ISY1: variants seen among roughly 807,000 people sequenced by gnomAD.
ISY1 encodes the protein ISY1 spliceosome associated protein.
ISY1 carries 12 observed loss-of-function variants against 54.4 expected under a neutral mutation model. The observed-to-expected ratio is 0.22, with a 90% CI of 0.14 to 0.36. The LOEUF (loss-of-function observed/expected upper bound fraction) is 0.36. Among genes scored for constraint, ISY1 ranks in the 10% least tolerant of loss-of-function variants. The probability of loss-of-function intolerance (pLI) is 1.00; values close to 1 mark genes in which losing one functional copy is unlikely to be tolerated. For missense variants in ISY1, 282 were observed against 342.2 expected (o/e 0.82, Z 1.39); for synonymous variants, 96 against 117.9 (o/e 0.81, Z 1.20).
In ISY1 at chr3:129,130,817, A is replaced by G; in HGVS notation, c.664-181T>C. 7.1e-6 allele frequency: 4 copies of G among 565,484 alleles called. 1 individual carries two copies. Among genetic ancestry groups the G allele is most frequent in the South Asian group, 5.4e-5 (2 of 37,050 alleles). 35.0% of individuals were successfully genotyped at this position (565,484 alleles called of 1,614,324 possible). A position where few individuals can be genotyped will look rare whatever the true frequency, so the allele number is the denominator to read the frequency against. On this transcript the variant is annotated intron_variant, in intron 9 of 10. Coordinates refer to ENST00000393295, the MANE Select transcript of ISY1 (RefSeq NM_020701.4). ...AAAAAAGCCATAGAACACGCTGTAT[A>G]TTATGCTACCTTTTGTCTAAGGAGG...
rs372239632 is a variant in ISY1 at position 129,130,671 on chromosome 3, C to T, written c.664-35G>A. 16 of 1,610,754 alleles carry T rather than the reference C, an allele frequency of 9.9e-6. No individual in the cohort carries two copies. In the African/African-American group the frequency reaches 1.6e-4, roughly 16 times the overall value. On this transcript the variant is annotated intron_variant, in intron 9 of 10. Transcript: ENST00000393295. Reference sequence around the variant, plus strand: ...GAACAAACGAAAGTCCATCAGTAGGCGCCCAGCTAGATAAATGCTGGCAAC... The same window carrying T: ...GAACAAACGAAAGTCCATCAGTAGGTGCCCAGCTAGATAAATGCTGGCAAC...
At chr3:129,158,157 CT>C (rs1298936856) in intron 3 of ISY1, among the ~76,000 whole-genome samples, 329 of 141,146 alleles carry the variant, frequency 2.3e-3, no homozygotes, top group African/African-American at 3.8e-3. Flanking sequence ...CTGCACCCTA[CT>C]TTTTTTTTTT....
intron 8 of ISY1, 70 bp from the exon 9 acceptor site, chr3:129,134,265 G>T: frequency 6.2e-7 from 1 of 1,604,374 alleles, no homozygotes. Flanking sequence ...GCAGGGAAAG[G>T]CCAACACTAT....
At chr3:129,156,726 C>A in intron 4 of ISY1, 51 bp from the exon 5 acceptor site, 1 of 1,557,772 alleles carries the variant, frequency 6.4e-7, no homozygotes, top group Non-Finnish European at 8.7e-7. Context: ...TGTTAGAAAG[C>A]ACAGAAAAAC....
rs1936177641 is a variant in ISY1, at chr3:129,129,392, T to TC, written c.*688_*689insG. 2 of 142,142 alleles carry TC rather than the reference T, an allele frequency of 1.4e-5. No individual in the cohort carries two copies. The highest frequency in any genetic ancestry group is 5.2e-5 in the African/African-American group (2 of 38,320). 8.8% of individuals were successfully genotyped at this position (142,142 alleles called of 1,614,324 possible). ...GTGCATCTTTTTTTTTTTTTTTTTT[T>TC]GGGACAGAGTCTCACTCTGTCGCCA... On this transcript the variant is annotated 3_prime_UTR_variant, in exon 11 of 11. Transcript: ENST00000393295.
At chr3:129,150,215 G>A (rs1449188204) in intron 5 of ISY1, among the ~76,000 whole-genome samples, 1 of 152,074 alleles carries the variant, frequency 6.6e-6, no homozygotes, top group Non-Finnish European at 1.5e-5. Context: ...TTCAGACATA[G>A]AATGTCAATG....
Position 129,130,019 on chromosome 3 carries a change from GC to G in ISY1, c.*61del. The stretch of plus-strand genomic sequence containing the variant: ...CTTGCAGCACCAGCCTGTGTCTGCA[GC>G]CCTGGGTCCTGAGGTACCACTGGGG... On this transcript the variant is annotated 3_prime_UTR_variant, in exon 11 of 11. Coordinates refer to ENST00000393295, the MANE Select transcript of ISY1 (RefSeq NM_020701.4). 1 of 1,329,942 alleles carries G rather than the reference GC, an allele frequency of 7.5e-7. No individual in the cohort carries two copies. Among genetic ancestry groups the G allele is most frequent in the Non-Finnish European group, 1.0e-6 (1 of 971,018 alleles). The allele number at this position is 1,329,942 out of a possible 1,614,324, so 82.4% of individuals were successfully genotyped here.
rs562545204 is a variant in ISY1 at position 129,155,472 on chromosome 3, G to A, written c.187+1161C>T. 5.9e-5 allele frequency among the ~76,000 whole-genome samples: 9 copies of A among 152,118 alleles called. No individual in the cohort carries two copies. The East Asian group carries it at 1.6e-3, about 26-fold the overall frequency. ...GCCTCCCAAAGTGCTGGGATTACAG[G>A]TGTGAGCCACCGCACCAGGCCAGTG... On this transcript the variant is annotated intron_variant, in intron 5 of 10. Transcript: ENST00000393295.
intron 1 of ISY1, 55 bp downstream of exon 1, chr3:129,160,918 G>GGCCCGGGGGGGGGGGGGGGC: frequency 1.5e-6 from 1 of 666,128 alleles, no homozygotes; most frequent in Non-Finnish European, 2.7e-6. Flanking sequence ...TGGACTGGGC[G>GGCCCGGGGGGGGGGGGGGGC]CCCCCCCGCC....
Position 129,134,976 on chromosome 3 carries a change from C to G in ISY1, c.419-22G>C, listed in dbSNP as rs757846037. 6.9e-6 allele frequency: 11 copies of G among 1,591,642 alleles called. No homozygotes were observed. The Admixed American group carries it at 1.9e-4, about 27-fold the overall frequency. The stretch of plus-strand genomic sequence containing the variant: ...AGAGCTATAAGAAACAGAAATGGAG[C>G]TGAGTTTCCAAGTCATAATCACACT... On this transcript the variant is annotated intron_variant, in intron 7 of 10. Transcript: ENST00000393295.
chr3:129,145,587 C>G (rs753782290), intron 6 of ISY1, among the ~76,000 whole-genome samples, 174 bp downstream of exon 6: 1 of 152,180 alleles, frequency 6.6e-6, no homozygotes, highest in South Asian at 2.1e-4. Context: ...CTGGCTGGTA[C>G]ATACAGATGC....
chr3:129,145,701 G>A, intron 6 of ISY1, 60 bp downstream of exon 6: 1 of 1,535,870 alleles, frequency 6.5e-7, no homozygotes, highest in Non-Finnish European at 9.0e-7. Context: ...AGAATGAGCT[G>A]GGAACTGCTG....
At chr3:129,156,530 A>G in intron 5 of ISY1, 103 bp downstream of exon 5, 1 of 1,211,994 alleles carries the variant, frequency 8.3e-7, no homozygotes, top group Non-Finnish European at 1.2e-6. Context: ...TTACTGATTT[A>G]CTATCTACTT....
chr3:129,154,934 C>T (rs4269098), intron 5 of ISY1, among the ~76,000 whole-genome samples: 5,225 of 151,814 alleles, frequency 0.034, 203 homozygotes, highest in East Asian at 0.11. Context: ...GTCATCCGCC[C>T]GCCTCGGCCT....
At chr3:129,152,106 CT>C (rs1936988821) in intron 5 of ISY1, among the ~76,000 whole-genome samples, 2 of 152,046 alleles carry the variant, frequency 1.3e-5, no homozygotes, top group South Asian at 4.2e-4. Flanking sequence ...TTGCATTGAG[CT>C]GAAATTGCAC....
At chr3:129,144,691 C>T (rs778761968) in intron 6 of ISY1, among the ~76,000 whole-genome samples, 3 of 151,908 alleles carry the variant, frequency 2.0e-5, no homozygotes, top group Admixed American at 6.6e-5. Flanking sequence ...TTTTTTTCAG[C>T]ACCTTTGTGT....
rs548566192 is a variant in ISY1, at chr3:129,139,970, T to C, written c.418+398A>G. Among the ~76,000 whole-genome samples, 18 of 152,288 alleles carry C rather than the reference T, an allele frequency of 1.2e-4. No homozygotes were observed. In the South Asian group the frequency reaches 3.5e-3, roughly 30 times the overall value. ...CTTTTCTCCATTTTTACATTTAGGG[T>C]TTGGCCCAAGATTGTATTTGTTCTT... On this transcript the variant is annotated intron_variant, in intron 7 of 10. Coordinates refer to ENST00000393295, the MANE Select transcript of ISY1 (RefSeq NM_020701.4).
chr3:129,134,931 G>C lies in ISY1; in HGVS notation c.442C>G (p.Arg148Gly), dbSNP rs1219678677. The change falls in exon 8 of 11, where the codon CGT becomes GGT. Residue 148 changes from arginine to glycine, a missense_variant. Physicochemically the swap from Arg to Gly is moderately radical, Grantham distance 125 (BLOSUM62 -2). Transcript: ENST00000393295. ...KEPLPPPRKT[R>G]AELMKAIDFE... ...TCGATTGCCTTCATGAGCTCAGCAC[G>C]TGTCTTTCTGGGAGGAGGAAGAGCT... The C allele has an allele frequency of 3.2e-5, 52 of 1,608,880 alleles. No individual in the cohort carries two copies. The highest frequency in any genetic ancestry group is 4.2e-5 in the Non-Finnish European group (50 of 1,176,938).
At chr3:129,134,298 C>T in intron 8 of ISY1, 103 bp from the exon 9 acceptor site, 2 of 1,561,948 alleles carry the variant, frequency 1.3e-6, no homozygotes, top group Non-Finnish European at 1.7e-6. Context: ...TAGACATCCC[C>T]TCTAGAAAGG....
Sources: gnomAD v4.1 joint callset for allele counts (sites outside exome capture counted in the v4.1 genomes callset) on GRCh38, gnomAD v4.1.1 for gene constraint, MANE v1.5 for transcripts, NCBI Gene and HGNC (gene_info 2026-07-23, HGNC 2026-07-21) for gene names.